SLC19A3: variants seen among roughly 807,000 people sequenced by gnomAD.
SLC19A3 encodes the protein solute carrier family 19 member 3, also known as thiamine transporter 2.
In SLC19A3, 31 loss-of-function variants were observed where a neutral mutation model predicts 40.2. That is an observed-to-expected ratio of 0.77 (90% CI 0.58 to 1.04). The LOEUF (loss-of-function observed/expected upper bound fraction) is 1.04, where lower values mean the gene tolerates loss of function less well. Ranked by LOEUF, SLC19A3 falls within the 50% of genes least tolerant of loss-of-function variation. SLC19A3 has a pLI of 0.00. For missense variants in SLC19A3, 592 were observed against 596.7 expected, an observed-to-expected ratio of 0.99 and a Z score of 0.08; for synonymous variants, 212 against 227.5, an observed-to-expected ratio of 0.93 and a Z score of 0.61.
rs530365285 is a variant in SLC19A3 at position 227,704,862 on chromosome 2, T to C, written c.-2-2542A>G. 2.0e-5 allele frequency among the ~76,000 whole-genome samples: 3 copies of C among 147,418 alleles called. No homozygotes were observed. In the South Asian group the frequency reaches 6.5e-4, roughly 32 times the overall value. On this transcript the variant is annotated intron_variant, in intron 1 of 5. Transcript: ENST00000644224. ...ATATTGTGGTGTCAAGGAAATTTAG[T>C]ATGGGGTTGCAAACAGCATTATTAT...
intron 2 of SLC19A3, chr2:227,700,961 A>G (rs1187483951): frequency 7.7e-7 from 1 of 1,303,918 alleles, no homozygotes; most frequent in Admixed American, 2.3e-5. Flanking sequence ...GAGGCCACAG[A>G]GCAAAGACCA....
chr2:227,705,848 G>A (rs773587167), intron 1 of SLC19A3, among the ~76,000 whole-genome samples: 1 of 152,104 alleles, frequency 6.6e-6, no homozygotes, highest in Non-Finnish European at 1.5e-5. Flanking sequence ...TCCTGCACAT[G>A]TACCCCAGAA....
intron 4 of SLC19A3, among the ~76,000 whole-genome samples, chr2:227,690,091 C>T (rs541694154): frequency 6.6e-6 from 1 of 152,100 alleles, no homozygotes; most frequent in African/African-American, 2.4e-5. Flanking sequence ...AGGAAAAACA[C>T]TGCAAAACCA....
intron 1 of SLC19A3, among the ~76,000 whole-genome samples, chr2:227,711,382 T>C (rs944526286): frequency 1.3e-5 from 2 of 151,572 alleles, no homozygotes; most frequent in African/African-American, 4.9e-5. Context: ...ATAGTGCCAC[T>C]GCATTGTGGC....
Position 227,698,808 on chromosome 2 carries a change from A to G in SLC19A3, c.907T>C (p.Trp303Arg). ...NQVLNYVQIL[W>R]DYKAPSQDSS... ...TCTTGGGATGGCGCCTTGTAATCCC[A>G]CAGGATTTGAACATAGTTCAAAACC... is the stretch of plus-strand genomic sequence containing the variant. The change falls in exon 3 of 6, where the codon TGG (tryptophan) becomes CGG (arginine). Residue 303 changes from tryptophan to arginine, a missense_variant. By Grantham distance (101) the Trp-to-Arg change is moderately radical (BLOSUM62 -3). Coordinates refer to ENST00000644224, the MANE Select transcript of SLC19A3 (RefSeq NM_025243.4). The G allele has an allele frequency of 6.2e-7, 1 of 1,614,218 alleles. No individual in the cohort carries two copies. Among genetic ancestry groups the G allele is most frequent in the East Asian group, 2.2e-5 (1 of 44,886 alleles).
At chr2:227,695,163 CCTGAGAAT>C (rs1261703247) in intron 4 of SLC19A3, among the ~76,000 whole-genome samples, 12 of 152,156 alleles carry the variant, frequency 7.9e-5, no homozygotes, top group Admixed American at 7.9e-4. Context: ...TAATAACTTT[CCTGAGAAT>C]CTTTTGTGTC....
intron 1 of SLC19A3, chr2:227,706,431 A>C: frequency 8.1e-7 from 1 of 1,230,582 alleles, no homozygotes; most frequent in South Asian, 4.1e-5. Flanking sequence ...TATAAGCTCT[A>C]TCACTTTTTA....
intron 1 of SLC19A3, among the ~76,000 whole-genome samples, chr2:227,704,203 G>A (rs780374006): frequency 2.6e-5 from 4 of 152,156 alleles, no homozygotes; most frequent in East Asian, 3.9e-4. Context: ...GAATCCAGGA[G>A]TTAGGGAAGA....
intron 1 of SLC19A3, among the ~76,000 whole-genome samples, chr2:227,713,419 A>T (rs1696212731): frequency 6.6e-6 from 1 of 151,552 alleles, no homozygotes; most frequent in Non-Finnish European, 1.5e-5. Flanking sequence ...AAAAAAAAAA[A>T]AAAAGAGGGG....
At chr2:227,691,749 T>C (rs920206438) in intron 4 of SLC19A3, among the ~76,000 whole-genome samples, 1 of 151,744 alleles carries the variant, frequency 6.6e-6, no homozygotes, top group Non-Finnish European at 1.5e-5. Context: ...CAGAAAGAAA[T>C]GAAATTGAAA....
Position 227,699,466 on chromosome 2 carries a change from G to A in SLC19A3, c.249C>T (p.Ile83=). 1 of 1,614,236 alleles carries A rather than the reference G, an allele frequency of 6.2e-7. No homozygotes were observed. Residue 83 remains isoleucine, a synonymous_variant, in exon 3 of 6, where the codon ATC becomes ATT. Transcript: ENST00000644224. ...TGATGAAACTGATACCTTGCAAGAT[G>A]ATGACTGGCTTGTAGCGGACATAAT... The part of the protein sequence containing the change: ...LTDYVRYKPV[I]ILQGISFIIT...
At chr2:227,707,108 AC>A (rs1695973964) in intron 1 of SLC19A3, among the ~76,000 whole-genome samples, 1 of 152,116 alleles carries the variant, frequency 6.6e-6, no homozygotes, top group Admixed American at 6.6e-5. Context: ...TTGTCCCCTG[AC>A]CCTGTTGCAG....
rs1298745152 is a variant in SLC19A3 at position 227,703,290 on chromosome 2, G to C, written c.-2-970C>G. Reference sequence around the variant, plus strand: ...AAGCATTCTCATTCCGGAATAGCAAGTCTTACCTGGGTGGAATTCCAGGTA... The same window carrying C: ...AAGCATTCTCATTCCGGAATAGCAACTCTTACCTGGGTGGAATTCCAGGTA... On this transcript the variant is annotated intron_variant, in intron 1 of 5. Transcript: ENST00000644224. The surrounding 1 kb of genome is among the most constrained non-coding windows in gnomAD (Gnocchi z 4.7). Among the ~76,000 whole-genome samples the C allele has an allele frequency of 6.6e-6, 1 of 152,198 alleles. No homozygotes were observed. The highest frequency in any genetic ancestry group is 2.4e-5 in the African/African-American group (1 of 41,448).
intron 5 of SLC19A3, among the ~76,000 whole-genome samples, 194 bp downstream of exon 5, chr2:227,687,971 GC>G (rs1208079474): frequency 1.3e-5 from 2 of 152,156 alleles, no homozygotes; most frequent in Non-Finnish European, 2.9e-5. Context: ...CTTCTTACCT[GC>G]CTTATCCATG....
In SLC19A3 at chr2:227,696,069, G is replaced by T; in HGVS notation, c.992C>A (p.Ala331Asp). 2 of 1,570,930 alleles carry T rather than the reference G, an allele frequency of 1.3e-6. No homozygotes were observed. The highest frequency in any genetic ancestry group is 1.7e-6 in the Non-Finnish European group (2 of 1,163,646). Reference sequence around the variant, plus strand: ...GACTTTCACATAACCCACTGCAAAGGCAGCCACAGCCCCTGAAAAAAAACA... The same window carrying T: ...GACTTTCACATAACCCACTGCAAAGTCAGCCACAGCCCCTGAAAAAAAACA... ...AIATFGGAVA[A>D]FAVGYVKVNW... The change falls in exon 4 of 6, where the codon GCC becomes GAC. Residue 331 changes from alanine (A) to aspartate (D), a missense_variant. Ala to Asp is a moderately radical substitution (Grantham distance 126). Coordinates refer to ENST00000644224, the MANE Select transcript of SLC19A3 (RefSeq NM_025243.4).
chr2:227,704,609 C>T (rs1695857313), intron 1 of SLC19A3, among the ~76,000 whole-genome samples: 1 of 151,982 alleles, frequency 6.6e-6, no homozygotes, highest in Admixed American at 6.6e-5. Flanking sequence ...TTTCCTCTTA[C>T]CCTCTGTTTG....
Position 227,685,644 on chromosome 2 carries a change from C to T in SLC19A3, c.*1753G>A, listed in dbSNP as rs1694990249. Reference sequence around the variant, plus strand: ...GCCAAGATGGTCTCATACCCCTACCCTCAAATTAACCTCTCACTTCAGCCT... The same window carrying T: ...GCCAAGATGGTCTCATACCCCTACCTTCAAATTAACCTCTCACTTCAGCCT... On this transcript the variant is annotated 3_prime_UTR_variant, in exon 6 of 6. Coordinates refer to ENST00000644224, the MANE Select transcript of SLC19A3 (RefSeq NM_025243.4). 6.6e-6 allele frequency: 1 copy of T among 152,408 alleles called. No homozygotes were observed. The highest frequency in any genetic ancestry group is 2.4e-5 in the African/African-American group (1 of 41,438). 9.4% of individuals were successfully genotyped at this position (152,408 alleles called of 1,614,324 possible). A position where few individuals can be genotyped will look rare whatever the true frequency, so the allele number is the denominator to read the frequency against.
chr2:227,706,215 C>T (rs1008248858), intron 1 of SLC19A3: 12 of 713,748 alleles, frequency 1.7e-5, no homozygotes, highest in African/African-American at 3.7e-5. Context: ...ATTTTGATCC[C>T]GTCATATTAT....
At chr2:227,689,064 TAAA>T (rs1197706964) in intron 4 of SLC19A3, among the ~76,000 whole-genome samples, 1 of 151,938 alleles carries the variant, frequency 6.6e-6, no homozygotes, top group Admixed American at 6.6e-5. Flanking sequence ...ACAAGCTATT[TAAA>T]AATACAGTCA....
Sources: gnomAD v4.1 joint callset for allele counts (sites outside exome capture counted in the v4.1 genomes callset) on GRCh38, gnomAD v4.1.1 for gene constraint, Gnocchi (gnomAD v3.1) non-coding constraint, MANE v1.5 for transcripts, NCBI Gene and HGNC (gene_info 2026-07-23, HGNC 2026-07-21) for gene names.